The following CAD variants were observed in gnomAD, a reference collection of about 807,000 sequenced individuals.
The protein encoded by CAD is multifunctional protein CAD.
In CAD, 81 loss-of-function variants were observed where a neutral mutation model predicts 237.2. That is an observed-to-expected ratio of 0.34 (90% CI 0.29 to 0.41). The LOEUF (loss-of-function observed/expected upper bound fraction) is 0.41. Ranked by LOEUF, CAD falls within the 10% of genes least tolerant of loss-of-function variation. The pLI, the probability that CAD is intolerant of heterozygous loss-of-function variation, is 1.00. For synonymous variants in CAD, 1,196 were observed against 1,162.8 expected (o/e 1.03, Z -0.58); for missense variants, 2,181 against 2,951.7 (o/e 0.74, Z 6.05).
intron 11 of CAD, 55 bp downstream of exon 11, chr2:27,225,298 A>C (rs796651040): frequency 5.7e-5 from 32 of 566,366 alleles, no homozygotes; most frequent in Non-Finnish European, 8.2e-5. Flanking sequence ...TGGTAGTGTT[A>C]TTTTCTTTTT....
rs950518471 is a variant in CAD at position 27,242,501 on chromosome 2, G to T, written c.6222+74G>T. The T allele has an allele frequency of 1.3e-6, 2 of 1,578,696 alleles. No homozygotes were observed. The highest frequency in any genetic ancestry group is 2.7e-5 in the African/African-American group (2 of 74,162). ...AGGGAGGCAGGAAGTGGTTACCCCG[G>T]TACAGGACAGCTGCATCAAGGAGGC... On this transcript the variant is annotated intron_variant, in intron 40 of 43. Coordinates refer to ENST00000264705, the MANE Select transcript of CAD (RefSeq NM_004341.5). The surrounding 1 kb of genome is among the most constrained non-coding windows in gnomAD (Gnocchi z 6.4).
In CAD at chr2:27,241,809, C is replaced by A; in HGVS notation, c.5884-102C>A. ...GGGGAGGTTTGGGTGCAGAAGGGTC[C>A]TCACAGCACCCCTCAAGTGTCAGTT... On this transcript the variant is annotated intron_variant, in intron 38 of 43. Transcript: ENST00000264705. The surrounding 1 kb of genome is among the most constrained non-coding windows in gnomAD (Gnocchi z 4.6). The A allele has an allele frequency of 1.1e-6, 1 of 924,704 alleles. No homozygotes were observed. 57.3% of individuals were successfully genotyped at this position (924,704 alleles called of 1,614,324 possible). A position where few individuals can be genotyped will look rare whatever the true frequency, so the allele number is the denominator to read the frequency against.
At position 27,235,990 on chromosome 2, in the gene CAD, T is replaced by G; in HGVS notation, c.4075-294T>G. On this transcript the variant is annotated intron_variant, in intron 25 of 43. Coordinates refer to ENST00000264705, the MANE Select transcript of CAD (RefSeq NM_004341.5). The surrounding 1 kb of genome is among the most constrained non-coding windows in gnomAD (Gnocchi z 5.2). Reference sequence around the variant, plus strand: ...TACACAGGAAGCAAAGAGAAAAGTCTCTTAAAATCTCTGTACCACTGTTCT... The same window carrying G: ...TACACAGGAAGCAAAGAGAAAAGTCGCTTAAAATCTCTGTACCACTGTTCT... The G allele has an allele frequency of 2.0e-6, 1 of 501,796 alleles. No homozygotes were observed. Among genetic ancestry groups the G allele is most frequent in the Non-Finnish European group, 3.5e-6 (1 of 283,780 alleles). 31.1% of individuals were successfully genotyped at this position (501,796 alleles called of 1,614,324 possible).
At position 27,217,606 on chromosome 2, in the gene CAD, G is replaced by T; in HGVS notation, c.55G>T (p.Ala19Ser). 6.2e-7 allele frequency: 1 copy of T among 1,608,148 alleles called. No homozygotes were observed. Among genetic ancestry groups the T allele is most frequent in the South Asian group, 1.1e-5 (1 of 89,956 alleles). ...GSVLRGQPFGAAVSTAGEVVF... is the reference protein window; with the variant it reads ...GSVLRGQPFGSAVSTAGEVVF... ...GGTCCTGCGGGGCCAGCCCTTTGGGGCCGCCGTGTCGACTGCCGGGGAAGT... is the reference window on the plus strand; with the variant it reads ...GGTCCTGCGGGGCCAGCCCTTTGGGTCCGCCGTGTCGACTGCCGGGGAAGT... The change falls in exon 1 of 44, where the codon GCC (alanine) becomes TCC (serine). Residue 19 changes from alanine (A) to serine (S), a missense_variant. Around this residue, in one of 12 missense-constraint regions of CAD, gnomAD observed 314 missense variants for 339.4 expected, o/e 0.93. Transcript: ENST00000264705.
chr2:27,225,206 AT>A lies in CAD; in HGVS notation c.1584del (p.His528GlnfsTer26). ...GCCAGAATGGCAGAGATCGGAGAGC[AT>A]GTGGCCCCGAGCGAGGCAGCAAATT... ...FAARMAEIGE[H>X]VAPSEAANSL... On this transcript the variant is annotated frameshift_variant, in exon 11 of 44. Coordinates refer to ENST00000264705, the MANE Select transcript of CAD (RefSeq NM_004341.5). LOFTEE classifies it high-confidence loss of function. 6.2e-7 allele frequency: 1 copy of A among 1,613,690 alleles called. No homozygotes were observed. The highest frequency in any genetic ancestry group is 8.5e-7 in the Non-Finnish European group (1 of 1,179,958).
Position 27,232,298 on chromosome 2 carries a change from G to A in CAD, c.2645+74G>A. On this transcript the variant is annotated intron_variant, in intron 17 of 43. Transcript: ENST00000264705. This position sits in a 1 kb window ranked among gnomAD's most constrained non-coding sequence, Gnocchi z 4.1. Reference sequence around the variant, plus strand: ...CTTTGTATCAGTGAGGGACCCTTGGGAGGGAGGAAGGAGAGTGTGGGAGAG... The same window carrying A: ...CTTTGTATCAGTGAGGGACCCTTGGAAGGGAGGAAGGAGAGTGTGGGAGAG... 2 of 1,593,040 alleles carry A rather than the reference G, an allele frequency of 1.3e-6. No individual in the cohort carries two copies. The highest frequency in any genetic ancestry group is 1.1e-5 in the South Asian group (1 of 87,884).
In CAD at chr2:27,242,603, C is replaced by T. The variant is rs1676374521; in HGVS notation, c.6223-17C>T. 6.3e-7 allele frequency: 1 copy of T among 1,580,994 alleles called. No individual in the cohort carries two copies. The highest frequency in any genetic ancestry group is 8.6e-7 in the Non-Finnish European group (1 of 1,159,232). ...ACTCAGTCTGGGATCCCTGTGGTGA[C>T]TGGATTCCTCTCCTAGATCACGATG... is the stretch of plus-strand genomic sequence containing the variant. On this transcript the variant is annotated splice_polypyrimidine_tract_variant and intron_variant, in intron 40 of 43. Coordinates refer to ENST00000264705, the MANE Select transcript of CAD (RefSeq NM_004341.5). The surrounding 1 kb of genome is among the most constrained non-coding windows in gnomAD (Gnocchi z 6.4).
At chr2:27,227,012 A>T in intron 15 of CAD, 50 bp downstream of exon 15, 4 of 1,566,210 alleles carry the variant, frequency 2.6e-6, no homozygotes, top group Non-Finnish European at 3.5e-6. Context: ...ATGACCAAGA[A>T]TCTTAAATGT....
Position 27,232,894 on chromosome 2 carries a change from C to T in CAD, c.2893-148C>T, listed in dbSNP as rs190716287. ...TCCCCAACACTTTGTACCTCCTTCC[C>T]TCCCAAGGCAGGGGTCCTGTACAGC... On this transcript the variant is annotated intron_variant, in intron 18 of 43. Transcript: ENST00000264705. This position sits in a 1 kb window ranked among gnomAD's most constrained non-coding sequence, Gnocchi z 4.1. 2.0e-3 allele frequency: 1,580 copies of T among 784,116 alleles called. 7 individuals are homozygous for T. The highest frequency in any genetic ancestry group is 3.1e-3 in the Non-Finnish European group (1,439 of 471,744). The allele number at this position is 784,116 out of a possible 1,614,324, so 48.6% of individuals were successfully genotyped here.
At position 27,233,996 on chromosome 2, in the gene CAD, T is replaced by A. The variant is rs747078243; in HGVS notation, c.3400-12T>A. ...GTGGCCCTATGTCCCACTGTCTGTG[T>A]CCCCCCGCTAGGAGATTGACGTGGA... On this transcript the variant is annotated splice_polypyrimidine_tract_variant and intron_variant, in intron 21 of 43. Transcript: ENST00000264705. This position sits in a 1 kb window ranked among gnomAD's most constrained non-coding sequence, Gnocchi z 6.3. The A allele has an allele frequency of 1.2e-6, 2 of 1,611,658 alleles. No homozygotes were observed. Among genetic ancestry groups the A allele is most frequent in the Non-Finnish European group, 1.7e-6 (2 of 1,178,542 alleles).
chr2:27,241,857 G>T lies in CAD; in HGVS notation c.5884-54G>T. ...GTTGGGGTGGTGGTGCCTAGCTGGG[G>T]TTTCCCCAGGGTGGACACGCATACG... On this transcript the variant is annotated intron_variant, in intron 38 of 43. Transcript: ENST00000264705. This position sits in a 1 kb window ranked among gnomAD's most constrained non-coding sequence, Gnocchi z 4.6. 1.3e-6 allele frequency: 2 copies of T among 1,486,364 alleles called. No homozygotes were observed. Among genetic ancestry groups the T allele is most frequent in the Non-Finnish European group, 1.9e-6 (2 of 1,073,022 alleles). 92.1% of individuals were successfully genotyped at this position (1,486,364 alleles called of 1,614,324 possible). A position where few individuals can be genotyped will look rare whatever the true frequency, so the allele number is the denominator to read the frequency against.
intron 2 of CAD, 144 bp from the exon 3 acceptor site, chr2:27,221,074 A>G (rs556332143): frequency 1.6e-5 from 8 of 510,364 alleles, no homozygotes; most frequent in Non-Finnish European, 2.6e-5. Context: ...GTAAATGGAA[A>G]TACCTATGCA....
intron 8 of CAD, 73 bp from the exon 9 acceptor site, chr2:27,224,272 G>A (rs914192408): frequency 1.3e-5 from 20 of 1,543,286 alleles, no homozygotes; most frequent in South Asian, 5.7e-5. Context: ...TTCTGAAAGC[G>A]AGGGAGCTAA....
At position 27,226,930 on chromosome 2, in the gene CAD, G is replaced by A; in HGVS notation, c.2255G>A (p.Ser752Asn). 1 of 1,614,136 alleles carries A rather than the reference G, an allele frequency of 6.2e-7. No individual in the cohort carries two copies. Among genetic ancestry groups the A allele is most frequent in the Non-Finnish European group, 8.5e-7 (1 of 1,179,986 alleles). Reference protein sequence around the residue: ...RWDLSKFLRVSTKIGSCMKSV... With the variant: ...RWDLSKFLRVNTKIGSCMKSV... Reference sequence around the variant, plus strand: ...GACCTTAGCAAGTTCCTGCGAGTCAGCACAAAGATTGGGAGCTGCATGAAG... The same window carrying A: ...GACCTTAGCAAGTTCCTGCGAGTCAACACAAAGATTGGGAGCTGCATGAAG... Residue 752 changes from serine (S) to asparagine (N), a missense_variant, in exon 15 of 44, where the codon AGC becomes AAC. Ser to Asn is a conservative substitution (Grantham distance 46). Around this residue, in one of 12 missense-constraint regions of CAD, gnomAD observed 385 missense variants for 535.1 expected, o/e 0.72. Transcript: ENST00000264705.
chr2:27,234,817 G>C, intron 23 of CAD, 132 bp downstream of exon 23: 1 of 850,300 alleles, frequency 1.2e-6, no homozygotes, highest in South Asian at 1.8e-5. Context: ...TAATGAGGTG[G>C]TCATTGTCCC....
chr2:27,228,180 T>A (rs560857865), intron 15 of CAD, among the ~76,000 whole-genome samples: 2 of 152,338 alleles, frequency 1.3e-5, no homozygotes, highest in African/African-American at 2.4e-5. Context: ...TCAGAGGAGA[T>A]GAACAACACT....
chr2:27,241,354 G>A lies in CAD; in HGVS notation c.5841G>A (p.Leu1947=). The part of the protein sequence containing the change: ...MSHLFNVAHT[L]RMMVQKERSL... ...ACCTGTTCAATGTGGCACACACACTGCGTATGATGGTGCAGAAGGAGCGGA... is the reference window on the plus strand; with the variant it reads ...ACCTGTTCAATGTGGCACACACACTACGTATGATGGTGCAGAAGGAGCGGA... The change falls in exon 38 of 44, where the codon CTG becomes CTA. Residue 1947 remains leucine (L), a synonymous_variant. Transcript: ENST00000264705. This position sits in a 1 kb window ranked among gnomAD's most constrained non-coding sequence, Gnocchi z 4.6. 1.9e-6 allele frequency: 3 copies of A among 1,614,228 alleles called. No individual in the cohort carries two copies. In the South Asian group the frequency reaches 3.3e-5, roughly 18 times the overall value.
Position 27,242,669 on chromosome 2 carries a change from C to G in CAD, c.6272C>G (p.Ala2091Gly). Residue 2091 changes from alanine (A) to glycine (G), a missense_variant, in exon 41 of 44, where the codon GCC (alanine) becomes GGC (glycine). This residue lies in a region of CAD where 170 missense variants were observed against 212.1 expected (regional missense o/e 0.80). Coordinates refer to ENST00000264705, the MANE Select transcript of CAD (RefSeq NM_004341.5). The surrounding 1 kb of genome is among the most constrained non-coding windows in gnomAD (Gnocchi z 6.4). The part of the protein sequence containing the change: ...LKHGRTVHSL[A>G]CLLTQYRVSL... ...CACGGACGCACAGTACATTCCCTGG[C>G]CTGCCTGCTCACCCAGTATCGTGTC... 1 of 1,613,358 alleles carries G rather than the reference C, an allele frequency of 6.2e-7. No individual in the cohort carries two copies. The highest frequency in any genetic ancestry group is 1.1e-5 in the South Asian group (1 of 90,952).
At position 27,233,597 on chromosome 2, in the gene CAD, A is replaced by G. The variant is rs758414214; in HGVS notation, c.3217-29A>G. On this transcript the variant is annotated intron_variant, in intron 20 of 43. Transcript: ENST00000264705. This position sits in a 1 kb window ranked among gnomAD's most constrained non-coding sequence, Gnocchi z 6.3. The stretch of plus-strand genomic sequence containing the variant: ...ATGATGCTTGGGGGAAAGTGTGAAC[A>G]ACTCAGCTAAGCTCCCTGCCTCCTG... 4 of 1,613,814 alleles carry G rather than the reference A, an allele frequency of 2.5e-6. No individual in the cohort carries two copies. In the African/African-American group the frequency reaches 5.3e-5, roughly 22 times the overall value.
Sources: gnomAD v4.1 joint callset for allele counts (sites outside exome capture counted in the v4.1 genomes callset) on GRCh38, gnomAD v4.1.1 for gene constraint, gnomAD v4.1.1 regional missense constraint, Gnocchi (gnomAD v3.1) non-coding constraint, MANE v1.5 for transcripts, NCBI Gene and HGNC (gene_info 2026-07-23, HGNC 2026-07-21) for gene names.